Variants in NME9 observed in about 807,000 individuals in gnomAD.
NME9 encodes the protein thioredoxin domain-containing protein 6.
In NME9, 48 loss-of-function variants were observed where a neutral mutation model predicts 44.4. That is an observed-to-expected ratio of 1.08 (90% CI 0.86 to 1.37). NME9 has a LOEUF of 1.37. Among genes scored for constraint, NME9 ranks in the 40% most tolerant of loss-of-function variants. The pLI, the probability that NME9 is intolerant of heterozygous loss-of-function variation, is 0.00. For synonymous variants in NME9, 139 were observed against 147.1 expected (o/e 0.94, Z 0.40); for missense variants, 325 against 405.2 (o/e 0.80, Z 1.70).
intron 8 of NME9, among the ~76,000 whole-genome samples, chr3:138,272,192 A>G (rs1478975498): frequency 6.6e-6 from 1 of 152,144 alleles, no homozygotes; most frequent in Non-Finnish European, 1.5e-5. Flanking sequence ...CCATGCCAAC[A>G]CCTACCATAG....
At chr3:138,308,481 A>T (rs1412548774) in intron 6 of NME9, among the ~76,000 whole-genome samples, 2 of 152,140 alleles carry the variant, frequency 1.3e-5, no homozygotes, top group Non-Finnish European at 2.9e-5. Context: ...GTACTGTGAT[A>T]CCCAGGAGTG....
rs986059701 is a variant in NME9 at position 138,284,476 on chromosome 3, G to C, written c.745+19031C>G. The C allele has an allele frequency of 1.8e-5, 29 of 1,613,696 alleles. No individual in the cohort carries two copies. The highest frequency in any genetic ancestry group is 2.5e-5 in the Non-Finnish European group (29 of 1,179,754). ...CATAGCGGATGGGACAACAGCAAAA[G>C]ATCTTATTATGACCAATGATGATAT... is the stretch of plus-strand genomic sequence containing the variant. On this transcript the variant is annotated intron_variant, in intron 8 of 8. Transcript: ENST00000317876.
chr3:138,274,163 A>G (rs774862345), intron 8 of NME9, among the ~76,000 whole-genome samples: 18 of 151,866 alleles, frequency 1.2e-4, no homozygotes, highest in South Asian at 4.2e-4. Context: ...AGGACCCCCA[A>G]TGATTGTGCT....
At chr3:138,295,967 T>A (rs1055651481) in intron 8 of NME9, 7 of 1,521,306 alleles carry the variant, frequency 4.6e-6, no homozygotes, top group Admixed American at 1.8e-5. Flanking sequence ...CTCATTTGAT[T>A]CCTTCTATTT....
chr3:138,292,744 A>C (rs1009702407), intron 8 of NME9, among the ~76,000 whole-genome samples: 1 of 152,164 alleles, frequency 6.6e-6, no homozygotes, highest in Non-Finnish European at 1.5e-5. Flanking sequence ...CAGGGCTATA[A>C]ATCTGAATGG....
chr3:138,304,044 A>G (rs1276817312), intron 9 of NME9, among the ~76,000 whole-genome samples: 2 of 152,218 alleles, frequency 1.3e-5, no homozygotes, highest in African/African-American at 4.8e-5. Context: ...ATAACCTCGT[A>G]AGATAATATT....
chr3:138,295,212 T>C (rs189448972), intron 8 of NME9, among the ~76,000 whole-genome samples: 111 of 152,292 alleles, frequency 7.3e-4, no homozygotes, highest in Non-Finnish European at 1.1e-3. Context: ...ATTCTATCTT[T>C]TCCTTTCCAC....
chr3:138,264,577 G>A lies in NME9; in HGVS notation c.746-1991C>T, dbSNP rs533173680. 7.2e-5 allele frequency among the ~76,000 whole-genome samples: 11 copies of A among 151,810 alleles called. No homozygotes were observed. In the East Asian group the frequency reaches 1.9e-3, roughly 27 times the overall value. On this transcript the variant is annotated intron_variant, in intron 8 of 8. Transcript: ENST00000317876. ...TAGGACTACAGGTGCGCACCACCACGCCTGGCTAATTTTTGTATTTTTAGT... is the reference window on the plus strand; with the variant it reads ...TAGGACTACAGGTGCGCACCACCACACCTGGCTAATTTTTGTATTTTTAGT...
chr3:138,281,295 T>A (rs2108345602), intron 8 of NME9, among the ~76,000 whole-genome samples: 1 of 151,930 alleles, frequency 6.6e-6, no homozygotes, highest in South Asian at 2.1e-4. Context: ...TTGATTTCTT[T>A]TTCTTTTTTT....
chr3:138,267,689 G>A (rs2048399065), intron 8 of NME9, among the ~76,000 whole-genome samples: 1 of 152,120 alleles, frequency 6.6e-6, no homozygotes, highest in Non-Finnish European at 1.5e-5. Flanking sequence ...TTGGGGAGGG[G>A]TTGGATGGGG....
Position 138,314,384 on chromosome 3 carries a change from A to G in NME9, c.408T>C (p.Asp136=), listed in dbSNP as rs141903512. ...TTCCATGGGAAACACATTCATCTTCATCAGAAAGAGCCTCATCTTTAATCT... is the reference window on the plus strand; with the variant it reads ...TTCCATGGGAAACACATTCATCTTCGTCAGAAAGAGCCTCATCTTTAATCT... ...RKVIKDEALS[D]EDECVSHGKN... is the part of the protein sequence containing the mutation. Residue 136 remains aspartate, a synonymous_variant, in exon 6 of 11, where the codon GAT becomes GAC. Transcript: ENST00000333911. 182 of 1,608,796 alleles carry G rather than the reference A, an allele frequency of 1.1e-4. No homozygotes were observed. In the African/African-American group the frequency reaches 2.0e-3, roughly 18 times the overall value.
chr3:138,299,659 A>G (rs1262869707), downstream of NME9, among the ~76,000 whole-genome samples: 1 of 152,104 alleles, frequency 6.6e-6, no homozygotes, highest in Admixed American at 6.6e-5. Context: ...AATGGGAGGA[A>G]GGGGCATGTC....
intron 6 of NME9, among the ~76,000 whole-genome samples, chr3:138,310,163 T>C (rs114561643): frequency 0.012 from 1,845 of 152,078 alleles, 47 homozygotes; most frequent in African/African-American, 0.042. Flanking sequence ...AGAGAAAATA[T>C]ACTTAGAGAA....
At chr3:138,326,832 C>G (rs572409631) in intron 1 of NME9, among the ~76,000 whole-genome samples, 1 of 151,914 alleles carries the variant, frequency 6.6e-6, no homozygotes, top group East Asian at 1.9e-4. Flanking sequence ...GTAACAACTG[C>G]TAATCCTCTA....
rs2053337434 is a variant in NME9, at chr3:138,319,650, C to T, written c.92-69G>A. ...CCCACCACACCATGCATAATTTATA[C>T]CTGTACATTCTAACCCCCCTCAAAT... On this transcript the variant is annotated intron_variant, in intron 2 of 10. Coordinates refer to ENST00000333911, the MANE Select transcript of NME9 (RefSeq NM_001349018.2). 8.9e-6 allele frequency: 7 copies of T among 790,914 alleles called. No homozygotes were observed. In the Admixed American group the frequency reaches 9.4e-5, roughly 11 times the overall value. 49.0% of individuals were successfully genotyped at this position (790,914 alleles called of 1,614,324 possible). A position where few individuals can be genotyped will look rare whatever the true frequency, so the allele number is the denominator to read the frequency against.
At position 138,320,448 on chromosome 3, in the gene NME9, G is replaced by A. The variant is rs184305989; in HGVS notation, c.92-867C>T. 6.6e-5 allele frequency among the ~76,000 whole-genome samples: 10 copies of A among 152,344 alleles called. No homozygotes were observed. In the East Asian group the frequency reaches 1.9e-3, roughly 29 times the overall value. On this transcript the variant is annotated intron_variant, in intron 2 of 10. Coordinates refer to ENST00000333911, the MANE Select transcript of NME9 (RefSeq NM_001349018.2). The stretch of plus-strand genomic sequence containing the variant: ...CAACCGCCAGAGTAGTATAGTCACA[G>A]GGAGATAGTGTCAAAATTGCTAATA...
At chr3:138,304,234 T>C (rs1386898934) in intron 9 of NME9, among the ~76,000 whole-genome samples, 1 of 152,196 alleles carries the variant, frequency 6.6e-6, no homozygotes, top group Admixed American at 6.5e-5. Context: ...CTGCCTCATA[T>C]ATAAATGTTC....
intron 8 of NME9, among the ~76,000 whole-genome samples, chr3:138,290,359 C>T (rs1389208934): frequency 2.0e-5 from 3 of 152,060 alleles, no homozygotes; most frequent in East Asian, 3.9e-4. Flanking sequence ...GGCAGAGAGA[C>T]GAGTTAGAAG....
intron 8 of NME9, among the ~76,000 whole-genome samples, chr3:138,288,652 T>A (rs2050650626): frequency 6.6e-6 from 1 of 150,558 alleles, no homozygotes; most frequent in Non-Finnish European, 1.5e-5. Context: ...TTTTTTTTTT[T>A]TTTTGAGACG....
Sources: allele counts gnomAD v4.1 joint callset (sites outside exome capture counted in the v4.1 genomes callset), GRCh38; gene constraint gnomAD v4.1.1; transcripts MANE v1.5; gene names NCBI Gene and HGNC (gene_info 2026-07-23, HGNC 2026-07-21).